The following TRAF3 variants were observed in gnomAD, a reference collection of about 807,000 sequenced individuals.
The protein encoded by TRAF3 is TNF receptor associated factor 3.
In TRAF3, 13 loss-of-function variants were observed where a neutral mutation model predicts 62.3. The observed-to-expected ratio is 0.21, with a 90% CI of 0.14 to 0.33. The LOEUF (loss-of-function observed/expected upper bound fraction) is 0.33, where lower values mean the gene tolerates loss of function less well. Among genes scored for constraint, TRAF3 ranks in the 10% least tolerant of loss-of-function variants. The pLI is 1.00. For synonymous variants in TRAF3, 269 were observed against 283.4 expected (o/e 0.95, Z 0.51); for missense variants, 440 against 741.8 (o/e 0.59, Z 4.73).
intron 1 of TRAF3, among the ~76,000 whole-genome samples, chr14:102,789,659 A>G (rs1897696498): frequency 6.6e-6 from 1 of 151,614 alleles, no homozygotes; most frequent in Non-Finnish European, 1.5e-5. Flanking sequence ...TTTTGTTTAA[A>G]GCTATTCTAG....
chr14:102,801,350 G>A (rs539391064), intron 1 of TRAF3, among the ~76,000 whole-genome samples: 30 of 152,118 alleles, frequency 2.0e-4, no homozygotes, highest in African/African-American at 4.8e-4. Flanking sequence ...TAAAATATGC[G>A]TACAATATTT....
At position 102,819,055 on chromosome 14, in the gene TRAF3, TA is replaced by T. The variant is rs201813175; in HGVS notation, c.-156-11266del. 1.7e-3 allele frequency among the ~76,000 whole-genome samples: 238 copies of T among 141,968 alleles called. 1 individual carries two copies. The highest frequency in any genetic ancestry group is 2.9e-3 in the African/African-American group (111 of 38,742). The allele number at this position is 141,968 out of a possible 152,430, so 93.1% of individuals were successfully genotyped here. A position where few individuals can be genotyped will look rare whatever the true frequency, so the allele number is the denominator to read the frequency against. ...GGGTGACGGAGCAAGACTCTGTCTC[TA>T]AAAAAAAAAAAAGTGAAGTTAAAAA... On this transcript the variant is annotated intron_variant, in intron 1 of 11. Coordinates refer to ENST00000392745, the MANE Select transcript of TRAF3 (RefSeq NM_145725.3).
At chr14:102,796,505 C>T (rs1898092658) in intron 1 of TRAF3, among the ~76,000 whole-genome samples, 1 of 152,206 alleles carries the variant, frequency 6.6e-6, no homozygotes, top group Non-Finnish European at 1.5e-5. Context: ...TTCTAGAGGC[C>T]TGGACTTGCG....
chr14:102,900,202 A>AAAAAAAC (rs1890215537), intron 10 of TRAF3, among the ~76,000 whole-genome samples: 2 of 146,130 alleles, frequency 1.4e-5, no homozygotes, highest in African/African-American at 5.0e-5. Context: ...AAAAAAAAAA[A>AAAAAAAC]AGACAGCCTA....
intron 2 of TRAF3, among the ~76,000 whole-genome samples, chr14:102,849,662 T>G (rs1277259777): frequency 1.3e-5 from 2 of 152,230 alleles, no homozygotes; most frequent in Non-Finnish European, 2.9e-5. Context: ...GACTGTGTTC[T>G]GCCTGCCTGT....
At chr14:102,883,501 T>C (rs1488839521) in intron 6 of TRAF3, among the ~76,000 whole-genome samples, 1 of 152,192 alleles carries the variant, frequency 6.6e-6, no homozygotes, top group African/African-American at 2.4e-5. Context: ...GAGAGGTAGG[T>C]GCAGAAGATG....
chr14:102,788,748 A>G (rs1897630435), intron 1 of TRAF3, among the ~76,000 whole-genome samples: 1 of 152,006 alleles, frequency 6.6e-6, no homozygotes, highest in Non-Finnish European at 1.5e-5. Context: ...CAGTGAGCTG[A>G]GATCACGCCA....
At position 102,826,024 on chromosome 14, in the gene TRAF3, G is replaced by A. The variant is rs1900289117; in HGVS notation, c.-156-4310G>A. Among the ~76,000 whole-genome samples, 1 of 152,244 alleles carries A rather than the reference G, an allele frequency of 6.6e-6. No individual in the cohort carries two copies. Among genetic ancestry groups the A allele is most frequent in the African/African-American group, 2.4e-5 (1 of 41,470 alleles). On this transcript the variant is annotated intron_variant, in intron 1 of 11. Coordinates refer to ENST00000392745, the MANE Select transcript of TRAF3 (RefSeq NM_145725.3). This position sits in a 1 kb window ranked among gnomAD's most constrained non-coding sequence, Gnocchi z 4.6. Reference sequence around the variant, plus strand: ...TTCATTCATTCATATCTCACAGTAAGAGGGAAGGATGGGGGAGGAAGACTG... The same window carrying A: ...TTCATTCATTCATATCTCACAGTAAAAGGGAAGGATGGGGGAGGAAGACTG...
chr14:102,828,429 C>T (rs546062173), intron 1 of TRAF3, among the ~76,000 whole-genome samples: 68 of 152,274 alleles, frequency 4.5e-4, no homozygotes, highest in African/African-American at 1.6e-3. Flanking sequence ...GTGATTAGAA[C>T]GTACGCGATT....
At chr14:102,890,790 G>A (rs181849571) in intron 8 of TRAF3, among the ~76,000 whole-genome samples, 1 of 152,238 alleles carries the variant, frequency 6.6e-6, no homozygotes, top group East Asian at 1.9e-4. Flanking sequence ...TAAGAATACT[G>A]GAATGGTGAA....
Position 102,903,837 on chromosome 14 carries a change from A to G in TRAF3, c.1135+408A>G, listed in dbSNP as rs1392638945. The stretch of plus-strand genomic sequence containing the variant: ...GGCAGCAGTCCCACCGCGCTCTGCC[A>G]GCATGTTTCTGATCCACAAGCAGAT... On this transcript the variant is annotated intron_variant, in intron 11 of 11. Transcript: ENST00000392745. The surrounding 1 kb of genome is among the most constrained non-coding windows in gnomAD (Gnocchi z 6.4). 1.1e-5 allele frequency: 5 copies of G among 461,570 alleles called. No individual in the cohort carries two copies. Among genetic ancestry groups the G allele is most frequent in the Admixed American group, 9.4e-5 (4 of 42,400 alleles). 28.6% of individuals were successfully genotyped at this position (461,570 alleles called of 1,614,324 possible).
Position 102,779,269 on chromosome 14 carries a change from C to CTTTTTTTTTTTTT in TRAF3, c.-157+1611_-157+1623dup, listed in dbSNP as rs61309052. Among the ~76,000 whole-genome samples, 5 of 123,456 alleles carry CTTTTTTTTTTTTT rather than the reference C, an allele frequency of 4.1e-5. 1 individual carries two copies. Among genetic ancestry groups the CTTTTTTTTTTTTT allele is most frequent in the African/African-American group, 1.8e-4 (5 of 28,476 alleles). The allele number at this position is 123,456 out of a possible 152,430, so 81.0% of individuals were successfully genotyped here. A position where few individuals can be genotyped will look rare whatever the true frequency, so the allele number is the denominator to read the frequency against. ...GAGAGCTGGCCAGGGAGAATTCCAG[C>CTTTTTTTTTTTTT]TTTTTTTTTTTTTTTTTTTTTTTTT... On this transcript the variant is annotated intron_variant, in intron 1 of 11. Transcript: ENST00000392745.
At chr14:102,884,422 GA>G (rs1262879523) in intron 6 of TRAF3, among the ~76,000 whole-genome samples, 2 of 152,226 alleles carry the variant, frequency 1.3e-5, no homozygotes, top group African/African-American at 4.8e-5. Flanking sequence ...GGACATTATT[GA>G]ACTCACTGTA....
intron 10 of TRAF3, among the ~76,000 whole-genome samples, chr14:102,898,866 CAGAA>C (rs1890134261): frequency 6.6e-6 from 1 of 152,156 alleles, no homozygotes; most frequent in South Asian, 2.1e-4. Flanking sequence ...AAGCATAAGT[CAGAA>C]AGAAAGGGGG....
chr14:102,886,404 C>A, intron 7 of TRAF3, 135 bp downstream of exon 7: 2 of 774,580 alleles, frequency 2.6e-6, no homozygotes, highest in Admixed American at 2.2e-5. Context: ...AAACAAAAAC[C>A]ACAGCAAAAA....
At chr14:102,867,778 GCAAATGA>G (rs964789661) in intron 2 of TRAF3, among the ~76,000 whole-genome samples, 3 of 152,212 alleles carry the variant, frequency 2.0e-5, no homozygotes, top group African/African-American at 7.2e-5. Context: ...AAGTTTGTAA[GCAAATGA>G]CATCTATAAT....
At chr14:102,867,958 T>C (rs1595376719) in intron 2 of TRAF3, among the ~76,000 whole-genome samples, 1 of 152,258 alleles carries the variant, frequency 6.6e-6, no homozygotes. Flanking sequence ...TCCTGTTTGC[T>C]TCTAGCTGTA....
chr14:102,878,365 AGTGT>A (rs1178958809), intron 6 of TRAF3, among the ~76,000 whole-genome samples: 2 of 83,712 alleles, frequency 2.4e-5, no homozygotes, highest in African/African-American at 9.9e-5. Flanking sequence ...TGTGGGGGTA[AGTGT>A]GTGTGGGGGT....
intron 9 of TRAF3, among the ~76,000 whole-genome samples, chr14:102,895,570 C>T (rs905415791): frequency 9.2e-5 from 14 of 152,190 alleles, no homozygotes; most frequent in Non-Finnish European, 1.6e-4. Context: ...TGGAGAGGCA[C>T]ACATCGGATC....
Sources: gnomAD v4.1 joint callset for allele counts (sites outside exome capture counted in the v4.1 genomes callset) on GRCh38, gnomAD v4.1.1 for gene constraint, Gnocchi (gnomAD v3.1) non-coding constraint, MANE v1.5 for transcripts, NCBI Gene and HGNC (gene_info 2026-07-23, HGNC 2026-07-21) for gene names.